Variants in KLHL13 observed in about 807,000 individuals in gnomAD.
KLHL13 encodes kelch-like protein 13.
A neutral mutation model predicts 37.1 loss-of-function variants in KLHL13; 10 were observed. That is an observed-to-expected ratio of 0.27 (90% CI 0.17 to 0.46). KLHL13 has a LOEUF of 0.46. KLHL13 is among the 20% of genes least tolerant of loss of function. KLHL13 has a pLI of 1.00. For synonymous variants in KLHL13, 163 were observed against 181.2 expected (o/e 0.90, Z 0.81); for missense variants, 360 against 509.3 (o/e 0.71, Z 2.82).
Position 118,052,310 on chromosome X carries a change from G to A in KLHL13, c.-56+64198C>T, listed in dbSNP as rs372225154. 1.5e-3 allele frequency among the ~76,000 whole-genome samples: 154 copies of A among 102,300 alleles called. 2 individuals are homozygous for A. Among genetic ancestry groups the A allele is most frequent in the African/African-American group, 5.3e-3 (149 of 27,920 alleles). The allele number at this position is 102,300 out of a possible 115,157, so 88.8% of individuals were successfully genotyped here. On this transcript the variant is annotated intron_variant, in intron 1 of 6. Transcript: ENST00000371882. ...GGCGGATCACGAAGGTCAGGAGATC[G>A]AGACCATCCTGGCTAACACAGTGAA...
chrX:118,075,247 G>A (rs2054916952), intron 1 of KLHL13, among the ~76,000 whole-genome samples: 1 of 111,547 alleles, frequency 9.0e-6, no homozygotes, highest in Non-Finnish European at 1.9e-5. Context: ...TGTGGAAGAC[G>A]ATGAGAATTA....
intron 5 of KLHL13, among the ~76,000 whole-genome samples, chrX:117,905,490 C>T (rs900966483): frequency 9.5e-6 from 1 of 105,209 alleles, no homozygotes; most frequent in Non-Finnish European, 1.9e-5. Context: ...CAGGTGAGCA[C>T]GTGTGCTAGT....
intron 1 of KLHL13, among the ~76,000 whole-genome samples, chrX:117,987,007 A>G (rs2053734333): frequency 9.0e-6 from 1 of 110,744 alleles, no homozygotes; most frequent in South Asian, 3.8e-4. Context: ...TTCCTTCACC[A>G]CTCTGAGCCT....
intron 1 of KLHL13, among the ~76,000 whole-genome samples, chrX:117,968,978 T>C (rs6646016): frequency 0.17 from 18,468 of 111,029 alleles, 2,104 homozygotes; most frequent in African/African-American, 0.41. Context: ...CTATAGAATG[T>C]TGTGTTTTTT....
At chrX:118,069,109 T>TCACACACACACACACACA (rs771534683) in intron 1 of KLHL13, among the ~76,000 whole-genome samples, 1,321 of 83,915 alleles carry the variant, frequency 0.016, 31 homozygotes, top group African/African-American at 0.048. Context: ...TCCAGAAGAG[T>TCACACACACACACACACA]CACACACACA....
intron 1 of KLHL13, among the ~76,000 whole-genome samples, chrX:118,095,419 T>G (rs2055193490): frequency 9.0e-6 from 1 of 111,150 alleles, no homozygotes; most frequent in African/African-American, 3.3e-5. Flanking sequence ...CAAAGAGACT[T>G]AGACTCCCAC....
intron 2 of KLHL13, among the ~76,000 whole-genome samples, chrX:117,932,895 T>C (rs1457952787): frequency 1.8e-5 from 2 of 111,850 alleles, no homozygotes; most frequent in Non-Finnish European, 3.8e-5. Flanking sequence ...GCCTTTTTTA[T>C]AATAACCATT....
intron 1 of KLHL13, among the ~76,000 whole-genome samples, chrX:118,053,798 T>TGTGA (rs1555995678): frequency 6.3e-4 from 16 of 25,532 alleles, no homozygotes; most frequent in East Asian, 1.9e-3. Context: ...TGTGTGTGTG[T>TGTGA]GAGAGAGAGA....
intron 2 of KLHL13, among the ~76,000 whole-genome samples, chrX:117,928,383 G>T (rs749209852): frequency 9.0e-6 from 1 of 111,595 alleles, no homozygotes; most frequent in South Asian, 3.8e-4. Context: ...ATACTTCACC[G>T]AAGAACAGTA....
intron 1 of KLHL13, among the ~76,000 whole-genome samples, chrX:118,016,042 T>C (rs771486983): frequency 8.9e-6 from 1 of 112,094 alleles, no homozygotes; most frequent in Non-Finnish European, 1.9e-5. Flanking sequence ...TAAAAGGACT[T>C]ATCTCCAATG....
chrX:118,078,974 G>T (rs1487858544), intron 1 of KLHL13, among the ~76,000 whole-genome samples: 1 of 110,172 alleles, frequency 9.1e-6, no homozygotes, highest in Non-Finnish European at 1.9e-5. Context: ...CATTCTAGTA[G>T]GTTCCTAGGG....
intron 1 of KLHL13, among the ~76,000 whole-genome samples, chrX:118,096,517 C>A (rs2055208195): frequency 9.0e-6 from 1 of 111,630 alleles, no homozygotes; most frequent in African/African-American, 3.3e-5. Flanking sequence ...GGAGCTGGTA[C>A]CATTCCTTCC....
chrX:118,032,482 C>CAA, intron 1 of KLHL13, among the ~76,000 whole-genome samples: 1 of 111,889 alleles, frequency 8.9e-6, no homozygotes, highest in Non-Finnish European at 1.9e-5. Flanking sequence ...CAGGGGCAGC[C>CAA]TGACACCTCA....
At chrX:118,081,636 A>G (rs746110343) in intron 1 of KLHL13, among the ~76,000 whole-genome samples, 9 of 111,416 alleles carry the variant, frequency 8.1e-5, no homozygotes, top group African/African-American at 2.3e-4. Flanking sequence ...AATATTCAAT[A>G]AATTATTGTT....
chrX:118,037,786 A>G (rs2054466705), intron 1 of KLHL13, among the ~76,000 whole-genome samples: 1 of 111,855 alleles, frequency 8.9e-6, no homozygotes, highest in Non-Finnish European at 1.9e-5. Context: ...CAGCTCCAAT[A>G]TGGGGATGGA....
chrX:118,098,160 A>G (rs2055235794), intron 1 of KLHL13, among the ~76,000 whole-genome samples: 1 of 112,079 alleles, frequency 8.9e-6, no homozygotes, highest in African/African-American at 3.2e-5. Flanking sequence ...GAATGGGAGA[A>G]AATTTTTGCA....
chrX:118,035,491 C>A (rs1244698468), intron 1 of KLHL13, among the ~76,000 whole-genome samples: 1 of 109,298 alleles, frequency 9.1e-6, no homozygotes, highest in Non-Finnish European at 1.9e-5. Flanking sequence ...AAGACAAAAA[C>A]CACATGATTA....
chrX:117,969,214 GC>G (rs1229839295), intron 1 of KLHL13, among the ~76,000 whole-genome samples: 1 of 110,856 alleles, frequency 9.0e-6, no homozygotes, highest in Non-Finnish European at 1.9e-5. Flanking sequence ...CTTCCTCCTT[GC>G]CACACTATTA....
intron 1 of KLHL13, among the ~76,000 whole-genome samples, chrX:118,032,460 G>A (rs2054366937): frequency 9.0e-6 from 1 of 111,727 alleles, no homozygotes; most frequent in African/African-American, 3.3e-5. Context: ...CTAACTGGGA[G>A]GCACCCCCCA....
Sources: gnomAD v4.1 joint callset for allele counts (sites outside exome capture counted in the v4.1 genomes callset) on GRCh38, gnomAD v4.1.1 for gene constraint, MANE v1.5 for transcripts, NCBI Gene and HGNC (gene_info 2026-07-23, HGNC 2026-07-21) for gene names.